RYR2: variants seen among roughly 807,000 people sequenced by gnomAD.
RYR2 encodes ryanodine receptor 2.
A neutral mutation model predicts 601.1 loss-of-function variants in RYR2; 227 were observed. The ratio of observed to expected loss-of-function variants is 0.38; its 90% CI spans 0.34 to 0.42. RYR2 has a LOEUF of 0.42. Among genes scored for constraint, RYR2 ranks in the 10% least tolerant of loss-of-function variants. The probability of loss-of-function intolerance (pLI) is 1.00; values close to 1 mark genes in which losing one functional copy is unlikely to be tolerated. For missense variants in RYR2, 4,646 were observed against 6,156.5 expected, an observed-to-expected ratio of 0.75 and a Z score of 8.21; for synonymous variants, 2,223 against 2,175.1, an observed-to-expected ratio of 1.02 and a Z score of -0.61.
intron 2 of RYR2, among the ~76,000 whole-genome samples, chr1:237,303,595 CA>C (rs1405914098): frequency 2.6e-5 from 4 of 152,046 alleles, no homozygotes; most frequent in African/African-American, 9.7e-5. Flanking sequence ...CCACTGCGCC[CA>C]GCTGGTTATC....
chr1:237,666,827 T>C (rs1181609744), intron 57 of RYR2, among the ~76,000 whole-genome samples: 1 of 151,968 alleles, frequency 6.6e-6, no homozygotes, highest in African/African-American at 2.4e-5. Context: ...GGAGAATCGC[T>C]TGGACCTGGG....
intron 1 of RYR2, among the ~76,000 whole-genome samples, chr1:237,233,302 G>C (rs1685184975): frequency 6.6e-6 from 1 of 152,168 alleles, no homozygotes; most frequent in Non-Finnish European, 1.5e-5. Flanking sequence ...TGCTAAATTG[G>C]AATTTAGGCT....
intron 29 of RYR2, among the ~76,000 whole-genome samples, chr1:237,580,865 A>G (rs1212530109): frequency 6.6e-6 from 1 of 152,196 alleles, no homozygotes; most frequent in African/African-American, 2.4e-5. Flanking sequence ...GCTGCCATCT[A>G]CACACCATGG....
At chr1:237,288,507 G>A (rs930486905) in intron 2 of RYR2, among the ~76,000 whole-genome samples, 13 of 151,944 alleles carry the variant, frequency 8.6e-5, no homozygotes, top group Admixed American at 7.9e-4. Flanking sequence ...GGGGGTGGGG[G>A]TGAGATACCT....
chr1:237,784,729 G>T lies in RYR2; in HGVS notation c.13017G>T (p.Gln4339His). 1 of 1,604,926 alleles carries T rather than the reference G, an allele frequency of 6.2e-7. No individual in the cohort carries two copies. The highest frequency in any genetic ancestry group is 1.3e-5 in the African/African-American group (1 of 74,572). The change falls in exon 90 of 105, where the codon CAG becomes CAT. Residue 4339 changes from glutamine to histidine, a missense_variant. Gln to His is a conservative substitution (Grantham distance 24, BLOSUM62 0). Around this residue, in one of 17 missense-constraint regions of RYR2, gnomAD observed 364 missense variants for 442.9 expected, o/e 0.82. Coordinates refer to ENST00000366574, the MANE Select transcript of RYR2 (RefSeq NM_001035.3). This position sits in a 1 kb window ranked among gnomAD's most constrained non-coding sequence, Gnocchi z 7.1. ...TAGCCAACATGCCAGACCCCACTCA[G>T]GATGAGGTTAGAGGAGATGGGGAGG... ...ELLANMPDPT[Q>H]DEVRGDGEEG...
At chr1:237,576,887 G>A (rs1673277729) in intron 29 of RYR2, among the ~76,000 whole-genome samples, 1 of 152,112 alleles carries the variant, frequency 6.6e-6, no homozygotes, top group Non-Finnish European at 1.5e-5. Flanking sequence ...ATTGATCAGG[G>A]AAATGCAAAT....
intron 100 of RYR2, 79 bp from the exon 101 acceptor site, chr1:237,818,957 T>A (rs951440250): frequency 1.5e-6 from 2 of 1,300,484 alleles, no homozygotes; most frequent in African/African-American, 2.9e-5. Flanking sequence ...GATTAGGAAC[T>A]ACAGAGATAA....
intron 101 of RYR2, among the ~76,000 whole-genome samples, chr1:237,822,067 G>A (rs986374833): frequency 4.6e-5 from 7 of 152,128 alleles, no homozygotes; most frequent in African/African-American, 1.7e-4. Flanking sequence ...ACCTGAAAGT[G>A]ACGGGAGAAT....
At chr1:237,477,246 C>A (rs1323089277) in intron 17 of RYR2, among the ~76,000 whole-genome samples, 1 of 152,078 alleles carries the variant, frequency 6.6e-6, no homozygotes, top group African/African-American at 2.4e-5. Context: ...TAAAAATAAG[C>A]TGGGCGTAGT....
rs1476431554 is a variant in RYR2 at position 237,042,453 on chromosome 1, C to T, written c.-69C>T. ...CCGGCAGCAGAAGCAGAAGGCAGCG[C>T]CAGGGGCCGCCGCCGCCGCCGAGCT... On this transcript the variant is annotated 5_prime_UTR_variant, in exon 1 of 105. Transcript: ENST00000366574. 5.7e-6 allele frequency: 7 copies of T among 1,223,162 alleles called. No individual in the cohort carries two copies. In the East Asian group the frequency reaches 9.8e-5, roughly 17 times the overall value. The allele number at this position is 1,223,162 out of a possible 1,614,324, so 75.8% of individuals were successfully genotyped here.
intron 38 of RYR2, among the ~76,000 whole-genome samples, chr1:237,623,350 C>CCTTTCTTTGTTTCTTT (rs1332517198): frequency 4.1e-5 from 3 of 73,872 alleles, no homozygotes; most frequent in African/African-American, 6.7e-5. Context: ...GGTAGTTGTG[C>CCTTTCTTTGTTTCTTT]CTTTCTTTGT....
intron 1 of RYR2, among the ~76,000 whole-genome samples, chr1:237,084,911 G>T (rs911309446): frequency 6.6e-6 from 1 of 152,240 alleles, no homozygotes; most frequent in African/African-American, 2.4e-5. Flanking sequence ...CCTGGTCTCA[G>T]AGAGCCTGGA....
chr1:237,617,853 T>C (rs1489106471), intron 38 of RYR2, among the ~76,000 whole-genome samples: 1 of 152,172 alleles, frequency 6.6e-6, no homozygotes, highest in Admixed American at 6.5e-5. Context: ...GTGCCTACCA[T>C]AGAAGAAACA....
chr1:237,415,468 G>A (rs902113815), intron 10 of RYR2, among the ~76,000 whole-genome samples: 4 of 152,158 alleles, frequency 2.6e-5, no homozygotes, highest in Admixed American at 6.5e-5. Context: ...TACCCCTGTT[G>A]TGTTATAATG....
At chr1:237,101,845 CTATTTAT>C (rs1261256636) in intron 1 of RYR2, among the ~76,000 whole-genome samples, 13 of 152,102 alleles carry the variant, frequency 8.5e-5, no homozygotes, top group African/African-American at 3.1e-4. Flanking sequence ...CAGCCACTTA[CTATTTAT>C]TAAGTATTTC....
chr1:237,795,356 A>G (rs563206598), intron 96 of RYR2, 25 bp downstream of exon 96: 1 of 1,245,774 alleles, frequency 8.0e-7, no homozygotes, highest in Admixed American at 2.2e-5. Context: ...AATCCTCTAC[A>G]TTTTTCTTAA....
intron 101 of RYR2, among the ~76,000 whole-genome samples, chr1:237,824,220 A>C (rs1181425688): frequency 6.6e-6 from 1 of 152,172 alleles, no homozygotes; most frequent in Admixed American, 6.5e-5. Flanking sequence ...CAGAGACACA[A>C]CAAAAAAAGA....
At chr1:237,685,551 T>C (rs989881496) in intron 62 of RYR2, among the ~76,000 whole-genome samples, 2 of 152,180 alleles carry the variant, frequency 1.3e-5, no homozygotes, top group African/African-American at 4.8e-5. Flanking sequence ...AATGTTTCAC[T>C]CTGGATACTA....
At chr1:237,125,450 G>T (rs1571927261) in intron 1 of RYR2, among the ~76,000 whole-genome samples, 1 of 149,648 alleles carries the variant, frequency 6.7e-6, no homozygotes, top group African/African-American at 2.5e-5. Context: ...CAGACTTATA[G>T]ATCCTTACTG....
Sources: gnomAD v4.1 joint callset for allele counts (sites outside exome capture counted in the v4.1 genomes callset) on GRCh38, gnomAD v4.1.1 for gene constraint, gnomAD v4.1.1 regional missense constraint, Gnocchi (gnomAD v3.1) non-coding constraint, MANE v1.5 for transcripts, NCBI Gene and HGNC (gene_info 2026-07-23, HGNC 2026-07-21) for gene names.